Variants in SUGCT observed in about 807,000 individuals in gnomAD.
SUGCT encodes succinyl-CoA:glutarate CoA-transferase.
SUGCT carries 41 observed loss-of-function variants against 55.0 expected under a neutral mutation model. The ratio of observed to expected loss-of-function variants is 0.74; its 90% CI spans 0.58 to 0.97. The LOEUF is 0.97. Among genes scored for constraint, SUGCT ranks in the 50% least tolerant of loss-of-function variants. The probability of loss-of-function intolerance (pLI) is 0.00; values close to 1 mark genes in which losing one functional copy is unlikely to be tolerated. For synonymous variants in SUGCT, 187 were observed against 200.4 expected (o/e 0.93, Z 0.56); for missense variants, 568 against 547.8 (o/e 1.04, Z -0.37).
rs377480226 is a variant in SUGCT, at chr7:40,274,570, G to A, written c.634G>A (p.Ala212Thr). 1.2e-6 allele frequency: 2 copies of A among 1,613,622 alleles called. No homozygotes were observed. Among genetic ancestry groups the A allele is most frequent in the African/African-American group, 1.3e-5 (1 of 74,914 alleles). Residue 212 changes from alanine to threonine, a missense_variant, in exon 8 of 14, where the codon GCA (alanine) becomes ACA (threonine). Coordinates refer to ENST00000335693, the MANE Select transcript of SUGCT (RefSeq NM_001193313.2). ...AMTDLATGLY[A>T]YGAIMAGLIQ... Reference sequence around the variant, plus strand: ...GACTGATCTTGCCACTGGCCTGTATGCATATGGAGCTATTATGGCTGGATT... The same window carrying A: ...GACTGATCTTGCCACTGGCCTGTATACATATGGAGCTATTATGGCTGGATT...
intron 12 of SUGCT, among the ~76,000 whole-genome samples, chr7:40,553,933 T>A (rs1418481607): frequency 2.0e-5 from 3 of 152,224 alleles, no homozygotes; most frequent in Non-Finnish European, 2.9e-5. Flanking sequence ...TTCATGTTCC[T>A]CACCTGTAAA....
In SUGCT at chr7:40,702,000, C is replaced by CAGAT. The variant is rs546268010; in HGVS notation, c.1090-47433_1090-47430dup. Among the ~76,000 whole-genome samples, 262 of 152,324 alleles carry CAGAT rather than the reference C, an allele frequency of 1.7e-3. 1 individual carries two copies. Among genetic ancestry groups the CAGAT allele is most frequent in the Middle Eastern group, 6.8e-3 (2 of 294 alleles). ...GCTGTAGAAATGCATAAGAAACTCACAGATTACTGCGCAATCCACCTGGGT... is the reference window on the plus strand; with the variant it reads ...GCTGTAGAAATGCATAAGAAACTCACAGATAGATTACTGCGCAATCCACCTGGGT... On this transcript the variant is annotated intron_variant, in intron 12 of 13. Transcript: ENST00000335693.
intron 12 of SUGCT, among the ~76,000 whole-genome samples, chr7:40,674,011 A>G (rs1370826788): frequency 1.3e-5 from 2 of 152,232 alleles, no homozygotes; most frequent in Non-Finnish European, 1.5e-5. Flanking sequence ...AACTAGCCAC[A>G]GACTTTACAC....
intron 12 of SUGCT, among the ~76,000 whole-genome samples, chr7:40,634,309 A>G (rs2151814310): frequency 6.6e-6 from 1 of 152,264 alleles, no homozygotes; most frequent in Middle Eastern, 3.4e-3. Context: ...AAACCCCATG[A>G]GACACTAAAT....
intron 11 of SUGCT, among the ~76,000 whole-genome samples, chr7:40,491,925 G>A (rs1791705117): frequency 6.6e-6 from 1 of 152,118 alleles, no homozygotes; most frequent in Non-Finnish European, 1.5e-5. Flanking sequence ...GGGAGGTCGA[G>A]GTTGCAGTGA....
chr7:40,229,375 C>T (rs1219867815), intron 6 of SUGCT, among the ~76,000 whole-genome samples: 6 of 151,254 alleles, frequency 4.0e-5, no homozygotes, highest in African/African-American at 7.3e-5. Context: ...AAACATTAAC[C>T]GGGCATGGTG....
At chr7:40,757,642 A>AT (rs1002976377) in intron 13 of SUGCT, among the ~76,000 whole-genome samples, 1 of 152,090 alleles carries the variant, frequency 6.6e-6, no homozygotes, top group Admixed American at 6.6e-5. Flanking sequence ...ATTCTTTGGG[A>AT]TTTTTTCCAG....
intron 12 of SUGCT, among the ~76,000 whole-genome samples, chr7:40,644,480 C>G (rs1391880533): frequency 1.3e-5 from 2 of 152,190 alleles, no homozygotes; most frequent in African/African-American, 4.8e-5. Flanking sequence ...TGTGGGCCAC[C>G]ATGGGTGGAT....
At chr7:40,429,372 A>C (rs1787773551) in intron 9 of SUGCT, among the ~76,000 whole-genome samples, 1 of 152,140 alleles carries the variant, frequency 6.6e-6, no homozygotes, top group Admixed American at 6.6e-5. Context: ...GTATATATAA[A>C]GGGGAGTTTA....
chr7:40,796,660 G>T (rs1220040271), intron 13 of SUGCT, among the ~76,000 whole-genome samples: 4 of 152,182 alleles, frequency 2.6e-5, no homozygotes. Context: ...ATACATAGCA[G>T]ACCAGAGATT....
chr7:40,596,958 A>C (rs531797384), intron 12 of SUGCT, among the ~76,000 whole-genome samples: 1 of 152,262 alleles, frequency 6.6e-6, no homozygotes, highest in African/African-American at 2.4e-5. Flanking sequence ...TTCCCCCTTA[A>C]TCGCTGTATT....
At chr7:40,855,269 C>CAA (rs554888396) in intron 13 of SUGCT, among the ~76,000 whole-genome samples, 14 of 138,306 alleles carry the variant, frequency 1.0e-4, no homozygotes, top group African/African-American at 2.4e-4. Flanking sequence ...AATTTCTCCT[C>CAA]AAAAAAAAAA....
chr7:41,004,693 G>A, the SUGCT span, among the ~76,000 whole-genome samples: 4 of 152,168 alleles, frequency 2.6e-5, no homozygotes, highest in Non-Finnish European at 4.4e-5. Flanking sequence ...CCTCCCTGCT[G>A]TTTGAAAACA....
chr7:40,354,120 C>A (rs1308629453), intron 9 of SUGCT, among the ~76,000 whole-genome samples: 1 of 152,140 alleles, frequency 6.6e-6, no homozygotes, highest in Non-Finnish European at 1.5e-5. Flanking sequence ...CCCTTCTTTT[C>A]ACACTGTGTA....
intron 9 of SUGCT, among the ~76,000 whole-genome samples, chr7:40,332,092 G>C (rs1796341917): frequency 6.6e-6 from 1 of 152,126 alleles, no homozygotes; most frequent in Non-Finnish European, 1.5e-5. Context: ...GACCATTTTT[G>C]GTTCAGGGAG....
At chr7:40,646,925 A>G (rs1024513443) in intron 12 of SUGCT, among the ~76,000 whole-genome samples, 3 of 152,192 alleles carry the variant, frequency 2.0e-5, no homozygotes, top group Non-Finnish European at 4.4e-5. Flanking sequence ...CAGGGTGAGC[A>G]GGATGCTGCT....
the SUGCT span, among the ~76,000 whole-genome samples, chr7:40,899,047 G>A: frequency 6.6e-6 from 1 of 152,056 alleles, no homozygotes; most frequent in African/African-American, 2.4e-5. Flanking sequence ...CCCAACTGTG[G>A]CCTCCAAGCC....
the SUGCT span, among the ~76,000 whole-genome samples, chr7:40,869,381 A>T: frequency 6.6e-6 from 1 of 152,174 alleles, no homozygotes; most frequent in African/African-American, 2.4e-5. Flanking sequence ...GGTGAGAGAA[A>T]ACCCAAGTGA....
chr7:40,590,709 G>A (rs1031335747), intron 12 of SUGCT, among the ~76,000 whole-genome samples: 4 of 152,050 alleles, frequency 2.6e-5, no homozygotes, highest in East Asian at 1.9e-4. Flanking sequence ...CTCCTTTGTC[G>A]GGGCTAATGT....
Sources: allele counts gnomAD v4.1 joint callset (sites outside exome capture counted in the v4.1 genomes callset), GRCh38; gene constraint gnomAD v4.1.1; transcripts MANE v1.5; gene names NCBI Gene and HGNC (gene_info 2026-07-23, HGNC 2026-07-21).